The following MALRD1 variants were observed in gnomAD, a reference collection of about 807,000 sequenced individuals.
MALRD1 encodes MAM and LDL-receptor class A domain-containing protein 1.
In MALRD1, 247 loss-of-function variants were observed where a neutral mutation model predicts 242.1. The ratio of observed to expected loss-of-function variants is 1.02; its 90% CI spans 0.92 to 1.13. The LOEUF is 1.13. Ranked by LOEUF, MALRD1 falls within the 50% of genes most tolerant of loss-of-function variation. The pLI, the probability that MALRD1 is intolerant of heterozygous loss-of-function variation, is 0.00. For synonymous variants in MALRD1, 995 were observed against 866.6 expected (o/e 1.15, Z -2.60); for missense variants, 2,989 against 2,533.1 (o/e 1.18, Z -3.86).
intron 5 of MALRD1, among the ~76,000 whole-genome samples, chr10:19,106,680 G>T (rs577227451): frequency 6.6e-6 from 1 of 151,658 alleles, no homozygotes; most frequent in Non-Finnish European, 1.5e-5. Flanking sequence ...CTAATTTGGG[G>T]TTTAGTTTCT....
At chr10:19,458,382 A>G (rs527646648) in intron 29 of MALRD1, among the ~76,000 whole-genome samples, 3 of 152,332 alleles carry the variant, frequency 2.0e-5, no homozygotes, top group Admixed American at 6.5e-5. Flanking sequence ...ACATGTCCAT[A>G]CATAAATTGA....
chr10:19,070,678 C>T (rs190694747), intron 2 of MALRD1, among the ~76,000 whole-genome samples: 290 of 151,882 alleles, frequency 1.9e-3, no homozygotes, highest in Non-Finnish European at 3.4e-3. Context: ...TAAATTTTCC[C>T]GTGTATGATT....
chr10:19,114,542 C>T (rs769641775), intron 5 of MALRD1, among the ~76,000 whole-genome samples: 20 of 152,038 alleles, frequency 1.3e-4, no homozygotes, highest in Non-Finnish European at 2.9e-5. Flanking sequence ...GAGGGTTGAA[C>T]CTGGGAGGTG....
chr10:19,312,238 AT>A (rs1413831197), intron 21 of MALRD1, among the ~76,000 whole-genome samples: 1 of 151,240 alleles, frequency 6.6e-6, no homozygotes, highest in Non-Finnish European at 1.5e-5. Flanking sequence ...GAACAAACTT[AT>A]CTGTTTTTCC....
At chr10:19,674,984 A>G (rs942071478) in intron 36 of MALRD1, among the ~76,000 whole-genome samples, 1 of 151,742 alleles carries the variant, frequency 6.6e-6, no homozygotes, top group South Asian at 2.1e-4. Flanking sequence ...ACTTTTTTTT[A>G]GTATCATCTC....
intron 21 of MALRD1, among the ~76,000 whole-genome samples, chr10:19,308,604 T>C (rs1035930568): frequency 6.6e-6 from 1 of 151,500 alleles, no homozygotes; most frequent in Non-Finnish European, 1.5e-5. Flanking sequence ...TTATACTTAC[T>C]TGAGATGCTA....
At chr10:19,706,786 T>G (rs1442305398) in intron 38 of MALRD1, among the ~76,000 whole-genome samples, 2 of 152,158 alleles carry the variant, frequency 1.3e-5, no homozygotes, top group African/African-American at 4.8e-5. Flanking sequence ...TGGATTTCAT[T>G]AATGGGCTCC....
At chr10:19,166,817 T>A (rs143983463) in intron 13 of MALRD1, among the ~76,000 whole-genome samples, 1 of 152,332 alleles carries the variant, frequency 6.6e-6, no homozygotes, top group East Asian at 1.9e-4. Context: ...TGAAAAGAGC[T>A]ATTTTGGAAA....
chr10:19,657,698 C>T (rs1246348017), intron 36 of MALRD1, among the ~76,000 whole-genome samples: 2 of 151,870 alleles, frequency 1.3e-5, no homozygotes, highest in African/African-American at 4.8e-5. Flanking sequence ...GATAAACAAC[C>T]AATTATACTC....
At chr10:19,078,309 A>G (rs1835380709) in intron 2 of MALRD1, among the ~76,000 whole-genome samples, 2 of 151,908 alleles carry the variant, frequency 1.3e-5, no homozygotes, top group Non-Finnish European at 2.9e-5. Flanking sequence ...GCATCTATTG[A>G]CATGGTCGTT....
chr10:19,534,259 T>A (rs3904899), intron 32 of MALRD1, among the ~76,000 whole-genome samples: 8 of 152,234 alleles, frequency 5.3e-5, no homozygotes, highest in Non-Finnish European at 1.0e-4. Context: ...CTGGGGCAAA[T>A]CTTATTTTCT....
At position 19,152,797 on chromosome 10, in the gene MALRD1, A is replaced by T. The variant is rs545639285; in HGVS notation, c.1559-2278A>T. Among the ~76,000 whole-genome samples the T allele has an allele frequency of 4.6e-5, 7 of 152,156 alleles. No homozygotes were observed. In the East Asian group the frequency reaches 1.3e-3, roughly 29 times the overall value. ...GGAAATTTACTTCTCTTTTTCTATA[A>T]TGTCTACTAGATATTTTATTTCCTT... On this transcript the variant is annotated intron_variant, in intron 11 of 39. Coordinates refer to ENST00000454679, the MANE Select transcript of MALRD1 (RefSeq NM_001142308.3).
intron 36 of MALRD1, among the ~76,000 whole-genome samples, chr10:19,681,982 C>A (rs908086017): frequency 1.3e-5 from 2 of 151,800 alleles, no homozygotes; most frequent in African/African-American, 4.8e-5. Flanking sequence ...CAGGCATGCA[C>A]CACCACACCC....
intron 35 of MALRD1, among the ~76,000 whole-genome samples, chr10:19,611,902 A>G (rs1838917836): frequency 6.6e-6 from 1 of 152,046 alleles, no homozygotes; most frequent in Admixed American, 6.6e-5. Flanking sequence ...TCCAGTGAAC[A>G]TCTGTGTTCT....
chr10:19,308,512 G>A (rs138085834), intron 21 of MALRD1, among the ~76,000 whole-genome samples: 44 of 151,644 alleles, frequency 2.9e-4, no homozygotes, highest in African/African-American at 9.6e-4. Context: ...CCTAGGGGGA[G>A]TCTTAAGCTT....
At chr10:19,133,667 C>T (rs1343636376) in intron 8 of MALRD1, among the ~76,000 whole-genome samples, 189 bp from the exon 9 acceptor site, 1 of 152,130 alleles carries the variant, frequency 6.6e-6, no homozygotes, top group Non-Finnish European at 1.5e-5. Flanking sequence ...ACTACATAAA[C>T]ATGCTTCATT....
At chr10:19,415,514 T>G (rs1179601295) in intron 28 of MALRD1, among the ~76,000 whole-genome samples, 6 of 152,178 alleles carry the variant, frequency 3.9e-5, no homozygotes, top group Admixed American at 3.9e-4. Context: ...TATTTAAACT[T>G]GGTAAATGAC....
At chr10:19,439,919 C>T (rs1036713158) in intron 28 of MALRD1, among the ~76,000 whole-genome samples, 3 of 152,122 alleles carry the variant, frequency 2.0e-5, no homozygotes, top group South Asian at 2.1e-4. Context: ...TCAAAACTTA[C>T]ATTTTGTTTA....
intron 15 of MALRD1, 63 bp downstream of exon 15, chr10:19,203,943 G>C (rs746318997): frequency 3.9e-6 from 6 of 1,532,668 alleles, no homozygotes; most frequent in Non-Finnish European, 4.4e-6. Context: ...CTTCAGAAGA[G>C]AAAGGAAAGC....
Sources: gnomAD v4.1 joint callset for allele counts (sites outside exome capture counted in the v4.1 genomes callset) on GRCh38, gnomAD v4.1.1 for gene constraint, MANE v1.5 for transcripts, NCBI Gene and HGNC (gene_info 2026-07-23, HGNC 2026-07-21) for gene names.